The following MLLT1 variants were observed in gnomAD, a reference collection of about 807,000 sequenced individuals.
The protein encoded by MLLT1 is protein ENL.
In MLLT1, 11 loss-of-function variants were observed where a neutral mutation model predicts 55.1. The ratio of observed to expected loss-of-function variants is 0.20; its 90% CI spans 0.13 to 0.33. MLLT1 has a LOEUF of 0.33. MLLT1 is among the 10% of genes least tolerant of loss of function. The pLI, the probability that MLLT1 is intolerant of heterozygous loss-of-function variation, is 1.00. For synonymous variants in MLLT1, 323 were observed against 320.1 expected, an observed-to-expected ratio of 1.01 and a Z score of -0.10; for missense variants, 536 against 760.6, an observed-to-expected ratio of 0.70 and a Z score of 3.47.
rs566652066 is a variant in MLLT1 at position 6,266,326 on chromosome 19, G to A, written c.194-4016C>T. Among the ~76,000 whole-genome samples, 25 of 151,570 alleles carry A rather than the reference G, an allele frequency of 1.6e-4. No individual in the cohort carries two copies. In the South Asian group the frequency reaches 5.2e-3, roughly 32 times the overall value. On this transcript the variant is annotated intron_variant, in intron 2 of 11. Transcript: ENST00000252674. ...TTGGATTTCGGATTTTCAGCTTAGG[G>A]ATTCTTGACCTGTAATTCCCAAACC...
Position 6,213,028 on chromosome 19 carries a change from C to A in MLLT1, c.*14G>T. 6.2e-7 allele frequency: 1 copy of A among 1,611,412 alleles called. No homozygotes were observed. Among genetic ancestry groups the A allele is most frequent in the Middle Eastern group, 1.7e-4 (1 of 6,016 alleles). ...CAGGACCCCGGCGGTGGGGGCCCGG[C>A]ACGCGGCCCAGGGTCATGTGGCCAC... On this transcript the variant is annotated 3_prime_UTR_variant, in exon 12 of 12. Coordinates refer to ENST00000252674, the MANE Select transcript of MLLT1 (RefSeq NM_005934.4).
chr19:6,224,578 A>T (rs928437653), intron 5 of MLLT1, among the ~76,000 whole-genome samples: 4 of 152,112 alleles, frequency 2.6e-5, no homozygotes, highest in African/African-American at 9.7e-5. Context: ...GGCCCCTAAC[A>T]CAGGTCTCAC....
rs912686841 is a variant in MLLT1, at chr19:6,231,473, T to G, written c.277-760A>C. Among the ~76,000 whole-genome samples the G allele has an allele frequency of 6.6e-6, 1 of 151,672 alleles. No individual in the cohort carries two copies. The highest frequency in any genetic ancestry group is 1.5e-5 in the Non-Finnish European group (1 of 67,936). On this transcript the variant is annotated intron_variant, in intron 3 of 11. Transcript: ENST00000252674. The surrounding 1 kb of genome is among the most constrained non-coding windows in gnomAD (Gnocchi z 5.1). ...GCTCCTGTGGAGGCCTAGCCACATG[T>G]GCAGGGGCTGTGTTTCTGTGAACCT...
In MLLT1 at chr19:6,223,276, A is replaced by ACTGGGTCC. The variant is rs1347764977; in HGVS notation, c.547-600_547-593dup. ...TCGGGAAGCCAACTGCTGAGCGCCC[A>ACTGGGTCC]CTGGGTCCCTGGGTCCCAGGTACCG... is the stretch of plus-strand genomic sequence containing the variant. On this transcript the variant is annotated intron_variant, in intron 5 of 11. Coordinates refer to ENST00000252674, the MANE Select transcript of MLLT1 (RefSeq NM_005934.4). Among the ~76,000 whole-genome samples the ACTGGGTCC allele has an allele frequency of 7.2e-5, 11 of 152,238 alleles. No homozygotes were observed. The East Asian group carries it at 1.7e-3, about 24-fold the overall frequency.
intron 3 of MLLT1, among the ~76,000 whole-genome samples, chr19:6,248,031 C>T (rs868136047): frequency 1.8e-4 from 28 of 152,324 alleles, no homozygotes; most frequent in African/African-American, 6.7e-4. Flanking sequence ...GCTGGAACTA[C>T]AGGCGTGCGC....
intron 3 of MLLT1, among the ~76,000 whole-genome samples, chr19:6,245,616 C>A (rs2091161072): frequency 6.6e-6 from 1 of 152,304 alleles, no homozygotes; most frequent in South Asian, 2.1e-4. Context: ...GAGGCTGAGG[C>A]AGGAGAATGG....
chr19:6,260,677 G>A (rs973884450), intron 3 of MLLT1, among the ~76,000 whole-genome samples: 2 of 152,362 alleles, frequency 1.3e-5, no homozygotes, highest in Admixed American at 6.5e-5. Flanking sequence ...CAGGTGTCTG[G>A]GAACACAGAA....
At chr19:6,251,954 C>CAAAGAAA (rs1568290355) in intron 3 of MLLT1, among the ~76,000 whole-genome samples, 1 of 151,674 alleles carries the variant, frequency 6.6e-6, no homozygotes, top group Non-Finnish European at 1.5e-5. Flanking sequence ...GACTCCACCA[C>CAAAGAAA]AAAGAAAAAA....
chr19:6,263,575 C>T (rs2091322785), intron 2 of MLLT1: 1 of 152,416 alleles, frequency 6.6e-6, no homozygotes, highest in South Asian at 2.1e-4. Flanking sequence ...TTCTATCCCC[C>T]CAGACAGCGC....
chr19:6,229,583 ACACAC>A lies in MLLT1; in HGVS notation c.420+982_420+986del, dbSNP rs1006166201. On this transcript the variant is annotated intron_variant, in intron 4 of 11. Transcript: ENST00000252674. This position sits in a 1 kb window ranked among gnomAD's most constrained non-coding sequence, Gnocchi z 5.2. ...ACACACGTCACACCATACGTGCGTG[ACACAC>A]CACACACTTCCCGCAAGTGACACGA... Among the ~76,000 whole-genome samples, 6 of 151,364 alleles carry A rather than the reference ACACAC, an allele frequency of 4.0e-5. No individual in the cohort carries two copies. Among genetic ancestry groups the A allele is most frequent in the African/African-American group, 1.5e-4 (6 of 41,044 alleles).
In MLLT1 at chr19:6,231,517, CA is replaced by C; in HGVS notation, c.277-805del. On this transcript the variant is annotated intron_variant, in intron 3 of 11. Coordinates refer to ENST00000252674, the MANE Select transcript of MLLT1 (RefSeq NM_005934.4). The surrounding 1 kb of genome is among the most constrained non-coding windows in gnomAD (Gnocchi z 5.1). ...TGAACCTTGAAATTTCGAAGCAAGA[CA>C]TTTTTTTTTTTGAGATGGAGTCTTG... Among the ~76,000 whole-genome samples, 1 of 151,972 alleles carries C rather than the reference CA, an allele frequency of 6.6e-6. No individual in the cohort carries two copies. The highest frequency in any genetic ancestry group is 2.4e-5 in the African/African-American group (1 of 41,410).
rs529559450 is a variant in MLLT1, at chr19:6,245,433, G to A, written c.277-14720C>T. 4.5e-4 allele frequency among the ~76,000 whole-genome samples: 68 copies of A among 151,690 alleles called. 1 individual carries two copies. Among genetic ancestry groups the A allele is most frequent in the South Asian group, 3.3e-3 (16 of 4,778 alleles). ...TAATAACTCACCGGATGTGAGGGCC[G>A]GGCACAGTGGCTCACGCCTGTAAAC... On this transcript the variant is annotated intron_variant, in intron 3 of 11. Transcript: ENST00000252674.
At chr19:6,259,599 G>A (rs762302844) in intron 3 of MLLT1, 7 of 152,122 alleles carry the variant, frequency 4.6e-5, no homozygotes, top group Non-Finnish European at 7.3e-5. Flanking sequence ...TGGTACTCCC[G>A]GTGTAGGACC....
chr19:6,225,977 C>T (rs757218683), intron 5 of MLLT1, among the ~76,000 whole-genome samples: 6 of 152,212 alleles, frequency 3.9e-5, no homozygotes, highest in East Asian at 1.9e-4. Context: ...CCCAGGGTTC[C>T]GTTTCCTACT....
intron 1 of MLLT1, among the ~76,000 whole-genome samples, chr19:6,271,299 C>T (rs2091393499): frequency 6.6e-6 from 1 of 152,232 alleles, no homozygotes; most frequent in African/African-American, 2.4e-5. Context: ...TTGTTGACTC[C>T]AGCATTTTCA....
chr19:6,223,400 C>T (rs978599831), intron 5 of MLLT1, among the ~76,000 whole-genome samples: 1 of 152,192 alleles, frequency 6.6e-6, no homozygotes, highest in Non-Finnish European at 1.5e-5. Flanking sequence ...TCGGAAACCC[C>T]GGGGGTTTAG....
At position 6,211,743 on chromosome 19, in the gene MLLT1, G is replaced by A; in HGVS notation, c.*1299C>T. 1 of 1,063,622 alleles carries A rather than the reference G, an allele frequency of 9.4e-7. No individual in the cohort carries two copies. The highest frequency in any genetic ancestry group is 4.6e-5 in the South Asian group (1 of 21,950). 65.9% of individuals were successfully genotyped at this position (1,063,622 alleles called of 1,614,324 possible). ...CTAACCAGGCAGGCCTCCAGCCCCT[G>A]GGACCCCCAGCCACGATGGGCTGGC... On this transcript the variant is annotated 3_prime_UTR_variant, in exon 12 of 12. Transcript: ENST00000252674. This position sits in a 1 kb window ranked among gnomAD's most constrained non-coding sequence, Gnocchi z 4.6.
In MLLT1 at chr19:6,216,530, G is replaced by A. The variant is rs1244226145; in HGVS notation, c.1199-17C>T. 8 of 1,519,468 alleles carry A rather than the reference G, an allele frequency of 5.3e-6. No homozygotes were observed. In the East Asian group the frequency reaches 1.9e-4, roughly 36 times the overall value. 94.1% of individuals were successfully genotyped at this position (1,519,468 alleles called of 1,614,324 possible). A position where few individuals can be genotyped will look rare whatever the true frequency, so the allele number is the denominator to read the frequency against. ...GCAGGGGTCCTGGGGAGGCGGGGCA[G>A]GGAGGGAGGGGAGACAAGGGCAGGG... On this transcript the variant is annotated splice_polypyrimidine_tract_variant and intron_variant, in intron 7 of 11. Transcript: ENST00000252674.
chr19:6,263,299 G>A (rs1028494753), intron 2 of MLLT1: 2 of 152,428 alleles, frequency 1.3e-5, no homozygotes, highest in African/African-American at 4.8e-5. Context: ...CCCAGCAGAG[G>A]AGGCACGGGC....
Sources: gnomAD v4.1 joint callset for allele counts (sites outside exome capture counted in the v4.1 genomes callset) on GRCh38, gnomAD v4.1.1 for gene constraint, Gnocchi (gnomAD v3.1) non-coding constraint, MANE v1.5 for transcripts, NCBI Gene and HGNC (gene_info 2026-07-23, HGNC 2026-07-21) for gene names.